PLXNC1: variants seen among roughly 807,000 people sequenced by gnomAD.
PLXNC1 encodes the protein plexin-C1.
Under a neutral mutation model 178.2 loss-of-function variants are expected in PLXNC1, and 75 were observed. That is an observed-to-expected ratio of 0.42 (90% CI 0.35 to 0.51). The LOEUF is 0.51. Among genes scored for constraint, PLXNC1 ranks in the 20% least tolerant of loss-of-function variants. PLXNC1 has a pLI of 0.02. For missense variants in PLXNC1, 1,503 were observed against 1,984.4 expected, an observed-to-expected ratio of 0.76 and a Z score of 4.61; for synonymous variants, 790 against 779.9, an observed-to-expected ratio of 1.01 and a Z score of -0.22.
At chr12:94,202,704 C>G (rs1334551983) in intron 4 of PLXNC1, among the ~76,000 whole-genome samples, 2 of 152,192 alleles carry the variant, frequency 1.3e-5, no homozygotes, top group African/African-American at 2.4e-5. Context: ...ATGTGTTTAT[C>G]AAATGCCTGC....
At chr12:94,269,157 G>C (rs1284416992) in intron 21 of PLXNC1, among the ~76,000 whole-genome samples, 2 of 152,192 alleles carry the variant, frequency 1.3e-5, no homozygotes, top group African/African-American at 4.8e-5. Context: ...TCAAAGTTAA[G>C]TGTGAAATGG....
intron 17 of PLXNC1, among the ~76,000 whole-genome samples, chr12:94,257,512 G>A (rs181043945): frequency 1.3e-5 from 2 of 152,312 alleles, no homozygotes; most frequent in South Asian, 2.1e-4. Flanking sequence ...GGTGGCTCAA[G>A]CCTGTAATCC....
chr12:94,212,055 A>T (rs1408685758), intron 5 of PLXNC1, among the ~76,000 whole-genome samples: 1 of 151,954 alleles, frequency 6.6e-6, no homozygotes, highest in Non-Finnish European at 1.5e-5. Flanking sequence ...CGGGCGGATC[A>T]CGAGGTCAGG....
At chr12:94,241,862 T>G (rs1215017917) in intron 11 of PLXNC1, among the ~76,000 whole-genome samples, 1 of 152,106 alleles carries the variant, frequency 6.6e-6, no homozygotes, top group Non-Finnish European at 1.5e-5. Flanking sequence ...TCATAATATT[T>G]TTATTCCTAA....
chr12:94,277,730 A>C, intron 21 of PLXNC1: 1 of 345,566 alleles, frequency 2.9e-6, no homozygotes, highest in South Asian at 2.2e-5. Context: ...TCTGTTTGCA[A>C]ATGAGTGGAT....
intron 6 of PLXNC1, among the ~76,000 whole-genome samples, 193 bp downstream of exon 6, chr12:94,220,356 C>T (rs1963760170): frequency 6.6e-6 from 1 of 152,158 alleles, no homozygotes; most frequent in Non-Finnish European, 1.5e-5. Flanking sequence ...CAAGACCCCA[C>T]TATCAGATAT....
chr12:94,251,442 T>G lies in PLXNC1; in HGVS notation c.2795T>G (p.Leu932Arg). 6.2e-7 allele frequency: 1 copy of G among 1,611,322 alleles called. No individual in the cohort carries two copies. The highest frequency in any genetic ancestry group is 8.5e-7 in the Non-Finnish European group (1 of 1,177,388). Residue 932 changes from leucine (L) to arginine (R), a missense_variant, in exon 15 of 31, where the codon CTG (leucine) becomes CGG (arginine). Leu to Arg is a moderately radical substitution (Grantham distance 102). This residue lies in a region of PLXNC1 where 639 missense variants were observed against 979.7 expected (regional missense o/e 0.65). Coordinates refer to ENST00000258526, the MANE Select transcript of PLXNC1 (RefSeq NM_005761.3). ...TCCCATCAGGTCAAGCTGGGAAACC[T>G]GGAGCTCTACGTCGAGCAGGAGTCA... ...SKKVRVKLGN[L>R]ELYVEQESVP...
chr12:94,305,035 C>A (rs1421061082), intron 30 of PLXNC1, 146 bp from the exon 31 acceptor site: 1 of 605,740 alleles, frequency 1.7e-6, no homozygotes, highest in African/African-American at 1.9e-5. Context: ...AGCAAAACAA[C>A]TTGCAAAGTG....
intron 23 of PLXNC1, among the ~76,000 whole-genome samples, chr12:94,287,429 CCTT>C (rs1248728092): frequency 6.6e-6 from 1 of 152,198 alleles, no homozygotes; most frequent in Non-Finnish European, 1.5e-5. Flanking sequence ...TGGAGTCCAG[CCTT>C]CTTCCTCTCA....
At chr12:94,235,320 A>G (rs1246794809) in intron 9 of PLXNC1, among the ~76,000 whole-genome samples, 3 of 152,266 alleles carry the variant, frequency 2.0e-5, no homozygotes, top group Admixed American at 2.0e-4. Context: ...GGAGCAAAAT[A>G]TAACTTCCTT....
At chr12:94,281,599 T>A (rs988792457) in intron 22 of PLXNC1, among the ~76,000 whole-genome samples, 4 of 87,190 alleles carry the variant, frequency 4.6e-5, no homozygotes, top group Admixed American at 1.2e-4. Flanking sequence ...TTAAAAAAAA[T>A]TTTATAGAGA....
chr12:94,182,013 C>G (rs1962326948), intron 3 of PLXNC1, among the ~76,000 whole-genome samples: 1 of 152,064 alleles, frequency 6.6e-6, no homozygotes, highest in Admixed American at 6.6e-5. Context: ...ATGGTACTCC[C>G]CCTCCCCCTC....
intron 1 of PLXNC1, among the ~76,000 whole-genome samples, chr12:94,151,379 T>G (rs7312498): frequency 0.63 from 95,854 of 151,786 alleles, 30,270 homozygotes; most frequent in East Asian, 0.67. Context: ...TGCTGCTGCT[T>G]CTTTGCCTGT....
chr12:94,249,863 C>T (rs946239314), intron 14 of PLXNC1, among the ~76,000 whole-genome samples: 5 of 142,784 alleles, frequency 3.5e-5, no homozygotes, highest in African/African-American at 7.9e-5. Context: ...AGAGACACAG[C>T]GTGAAGAATA....
intron 14 of PLXNC1, 106 bp downstream of exon 14, chr12:94,248,518 C>A: frequency 1.1e-6 from 1 of 885,206 alleles, no homozygotes; most frequent in Non-Finnish European, 1.7e-6. Flanking sequence ...TTCAGATCCT[C>A]ACTTTAAATA....
At chr12:94,169,641 A>G (rs139079951) in intron 2 of PLXNC1, among the ~76,000 whole-genome samples, 61 of 152,336 alleles carry the variant, frequency 4.0e-4, no homozygotes, top group African/African-American at 1.4e-3. Context: ...TAGCTCCTTT[A>G]TCATGGAAAT....
intron 23 of PLXNC1, among the ~76,000 whole-genome samples, chr12:94,291,090 T>C (rs1035452721): frequency 6.6e-6 from 1 of 152,238 alleles, no homozygotes; most frequent in Non-Finnish European, 1.5e-5. Context: ...GGAGGGGCAC[T>C]GTAGGGCCAC....
At chr12:94,228,036 C>T (rs1209719587) in intron 9 of PLXNC1, among the ~76,000 whole-genome samples, 1 of 152,172 alleles carries the variant, frequency 6.6e-6, no homozygotes, top group Non-Finnish European at 1.5e-5. Flanking sequence ...TTTTCCATTT[C>T]TCTAATCTGT....
At chr12:94,201,462 T>C (rs1264000282) in intron 4 of PLXNC1, among the ~76,000 whole-genome samples, 1 of 152,238 alleles carries the variant, frequency 6.6e-6, no homozygotes, top group Non-Finnish European at 1.5e-5. Context: ...GAATATTTAT[T>C]GAGGCATAAT....
Sources: gnomAD v4.1 joint callset for allele counts (sites outside exome capture counted in the v4.1 genomes callset) on GRCh38, gnomAD v4.1.1 for gene constraint, gnomAD v4.1.1 regional missense constraint, MANE v1.5 for transcripts, NCBI Gene and HGNC (gene_info 2026-07-23, HGNC 2026-07-21) for gene names.